Variants in VAV2 observed in about 807,000 individuals in gnomAD.
The protein encoded by VAV2 is guanine nucleotide exchange factor VAV2.
VAV2 carries 67 observed loss-of-function variants against 132.5 expected under a neutral mutation model. The ratio of observed to expected loss-of-function variants is 0.51; its 90% CI spans 0.42 to 0.62. The LOEUF is 0.62. VAV2 is among the 20% of genes least tolerant of loss of function. VAV2 has a pLI of 0.00. For missense variants in VAV2, 938 were observed against 1,153.6 expected (o/e 0.81, Z 2.71); for synonymous variants, 492 against 443.5 (o/e 1.11, Z -1.37).
At position 133,874,111 on chromosome 9, in the gene VAV2, G is replaced by A. The variant is rs553105727; in HGVS notation, c.322-12679C>T. Among the ~76,000 whole-genome samples the A allele has an allele frequency of 1.3e-4, 20 of 152,350 alleles. No individual in the cohort carries two copies. The East Asian group carries it at 2.1e-3, about 16-fold the overall frequency. The stretch of plus-strand genomic sequence containing the variant: ...CTGGCAGCAGAGCCCGGCTCTCCAC[G>A]CCGCCCTGCCCTGGAGGGCCGGCTA... On this transcript the variant is annotated intron_variant, in intron 2 of 29. Coordinates refer to ENST00000371850, the MANE Select transcript of VAV2 (RefSeq NM_001134398.2).
rs1349310087 is a variant in VAV2 at position 133,879,843 on chromosome 9, C to T, written c.322-18411G>A. 2.0e-5 allele frequency among the ~76,000 whole-genome samples: 3 copies of T among 152,334 alleles called. No individual in the cohort carries two copies. Among genetic ancestry groups the T allele is most frequent in the East Asian group, 3.9e-4 (2 of 5,184 alleles). Reference sequence around the variant, plus strand: ...TGTGTTTATGGAAACAGATGGAAACCGGCCGCAGACGAAGCTCTGGCATCC... The same window carrying T: ...TGTGTTTATGGAAACAGATGGAAACTGGCCGCAGACGAAGCTCTGGCATCC... On this transcript the variant is annotated intron_variant, in intron 2 of 29. Transcript: ENST00000371850. This position sits in a 1 kb window ranked among gnomAD's most constrained non-coding sequence, Gnocchi z 4.4.
At position 133,872,864 on chromosome 9, in the gene VAV2, G is replaced by A. The variant is rs987875243; in HGVS notation, c.322-11432C>T. Among the ~76,000 whole-genome samples, 4 of 152,228 alleles carry A rather than the reference G, an allele frequency of 2.6e-5. No homozygotes were observed. In the Middle Eastern group the frequency reaches 0.014, roughly 518 times the overall value. On this transcript the variant is annotated intron_variant, in intron 2 of 29. Coordinates refer to ENST00000371850, the MANE Select transcript of VAV2 (RefSeq NM_001134398.2). Reference sequence around the variant, plus strand: ...GGGGTGGCTCACGCCTGTAATCCTAGCACTCTGGGAGGCAGAGGCAGGCAG... The same window carrying A: ...GGGGTGGCTCACGCCTGTAATCCTAACACTCTGGGAGGCAGAGGCAGGCAG...
rs529495294 is a variant in VAV2 at position 133,913,603 on chromosome 9, C to T, written c.321+25500G>A. Among the ~76,000 whole-genome samples, 204 of 152,308 alleles carry T rather than the reference C, an allele frequency of 1.3e-3. 1 individual carries two copies. Among genetic ancestry groups the T allele is most frequent in the African/African-American group, 4.3e-3 (178 of 41,564 alleles). ...TGGTCCCAGGAGGCGGGGGACCGGA[C>T]GCGCACACAGTAGGTGCACAATCGA... On this transcript the variant is annotated intron_variant, in intron 2 of 29. Coordinates refer to ENST00000371850, the MANE Select transcript of VAV2 (RefSeq NM_001134398.2).
At chr9:133,771,061 TC>T (rs371562997) in intron 26 of VAV2, among the ~76,000 whole-genome samples, 9 of 118,190 alleles carry the variant, frequency 7.6e-5, no homozygotes, top group Non-Finnish European at 1.6e-4. Context: ...TTATGGATTT[TC>T]TTTTTTTTTT....
At chr9:133,979,506 G>A (rs949882458) in intron 1 of VAV2, among the ~76,000 whole-genome samples, 2 of 152,180 alleles carry the variant, frequency 1.3e-5, no homozygotes, top group African/African-American at 2.4e-5. Context: ...AGCGGACGCC[G>A]CAGCCGTCCG....
chr9:133,820,942 G>C (rs919587273), intron 4 of VAV2, among the ~76,000 whole-genome samples: 4 of 144,428 alleles, frequency 2.8e-5, no homozygotes, highest in Non-Finnish European at 6.0e-5. Flanking sequence ...CACGGAACCA[G>C]AGCGCCAGCC....
intron 3 of VAV2, among the ~76,000 whole-genome samples, chr9:133,856,533 G>A (rs1837392190): frequency 6.6e-6 from 1 of 151,766 alleles, no homozygotes; most frequent in African/African-American, 2.4e-5. Context: ...ACGCCACATA[G>A]CTGGGCCTTC....
chr9:133,795,801 A>C, intron 11 of VAV2, 65 bp from the exon 12 acceptor site: 1 of 1,535,248 alleles, frequency 6.5e-7, no homozygotes, highest in Non-Finnish European at 9.0e-7. Flanking sequence ...CCTGGCCCCT[A>C]CCTGGGGCAG....
At chr9:133,960,600 G>C (rs553758259) in intron 1 of VAV2, among the ~76,000 whole-genome samples, 1 of 152,228 alleles carries the variant, frequency 6.6e-6, no homozygotes, top group Non-Finnish European at 1.5e-5. Context: ...CGGAGAAAAC[G>C]GGAAGTAAAG....
chr9:133,972,057 T>C (rs953260931), intron 1 of VAV2, among the ~76,000 whole-genome samples: 3 of 151,906 alleles, frequency 2.0e-5, no homozygotes, highest in Admixed American at 6.6e-5. Context: ...AAGCCCCAAT[T>C]CCTGTCCCCA....
chr9:133,892,879 A>T (rs1839035412), intron 2 of VAV2, among the ~76,000 whole-genome samples: 1 of 152,206 alleles, frequency 6.6e-6, no homozygotes, highest in South Asian at 2.1e-4. Context: ...AGGGGGAAAG[A>T]AAGAGCCAAG....
At chr9:133,777,563 G>A in intron 22 of VAV2, 100 bp from the exon 23 acceptor site, 1 of 1,173,478 alleles carries the variant, frequency 8.5e-7, no homozygotes, top group South Asian at 1.3e-5. Flanking sequence ...TCCCGCTCCT[G>A]GAGGGTGGGA....
At chr9:133,950,511 G>T (rs897768005) in intron 1 of VAV2, among the ~76,000 whole-genome samples, 3 of 152,164 alleles carry the variant, frequency 2.0e-5, no homozygotes, top group Non-Finnish European at 4.4e-5. Context: ...AAGCCAAGGC[G>T]GGGGGTATAA....
At chr9:133,960,353 C>T (rs1393516154) in intron 1 of VAV2, among the ~76,000 whole-genome samples, 1 of 152,144 alleles carries the variant, frequency 6.6e-6, no homozygotes, top group East Asian at 1.9e-4. Flanking sequence ...TGGCCACCTG[C>T]TCCTTGGTCT....
rs1840231269 is a variant in VAV2 at position 133,919,855 on chromosome 9, A to G, written c.321+19248T>C. On this transcript the variant is annotated intron_variant, in intron 2 of 29. Transcript: ENST00000371850. The surrounding 1 kb of genome is among the most constrained non-coding windows in gnomAD (Gnocchi z 5.8). The stretch of plus-strand genomic sequence containing the variant: ...CCCGGCCACCCCTGCCTCACCCACC[A>G]CCCAACCGCATGTCCTCCGCGGAGC... Among the ~76,000 whole-genome samples, 1 of 151,840 alleles carries G rather than the reference A, an allele frequency of 6.6e-6. No individual in the cohort carries two copies. The highest frequency in any genetic ancestry group is 1.5e-5 in the Non-Finnish European group (1 of 67,922).
In VAV2 at chr9:133,884,969, G is replaced by A. The variant is rs1026878738; in HGVS notation, c.322-23537C>T. Among the ~76,000 whole-genome samples the A allele has an allele frequency of 1.7e-4, 26 of 152,010 alleles. No individual in the cohort carries two copies. The highest frequency in any genetic ancestry group is 6.0e-4 in the African/African-American group (25 of 41,382). On this transcript the variant is annotated intron_variant, in intron 2 of 29. Coordinates refer to ENST00000371850, the MANE Select transcript of VAV2 (RefSeq NM_001134398.2). The surrounding 1 kb of genome is among the most constrained non-coding windows in gnomAD (Gnocchi z 5.3). The stretch of plus-strand genomic sequence containing the variant: ...ACCTGAGCCAGCCACAGTGACAGGT[G>A]GAGCCTAGATCATTCCAAAGACTCC...
At chr9:133,916,759 T>C (rs1471247362) in intron 2 of VAV2, among the ~76,000 whole-genome samples, 1 of 151,916 alleles carries the variant, frequency 6.6e-6, no homozygotes, top group Non-Finnish European at 1.5e-5. Context: ...CCTCCAGCCA[T>C]GCAAAAAGCA....
chr9:133,764,421 TTCAG>T (rs201481517), intron 29 of VAV2, among the ~76,000 whole-genome samples: 4,092 of 152,240 alleles, frequency 0.027, 77 homozygotes, highest in Middle Eastern at 0.048. Flanking sequence ...AAGCTTGGCA[TTCAG>T]TCAGGACCAA....
In VAV2 at chr9:133,895,934, T is replaced by TGGGAGCGCGAGGCATGCGGATCAC. The variant is rs1195317034; in HGVS notation, c.322-34503_322-34502insGTGATCCGCATGCCTCGCGCTCCC. 2.0e-3 allele frequency among the ~76,000 whole-genome samples: 271 copies of TGGGAGCGCGAGGCATGCGGATCAC among 134,666 alleles called. 2 individuals are homozygous for TGGGAGCGCGAGGCATGCGGATCAC. The highest frequency in any genetic ancestry group is 3.5e-3 in the Middle Eastern group (1 of 288). 88.3% of individuals were successfully genotyped at this position (134,666 alleles called of 152,430 possible). A position where few individuals can be genotyped will look rare whatever the true frequency, so the allele number is the denominator to read the frequency against. ...TTGGCAGCCACACTAAAATCTTTTT[T>TGGGAGCGCGAGGCATGCGGATCAC]TTTTTTTTTTTTTTTAATTGATCAT... On this transcript the variant is annotated intron_variant, in intron 2 of 29. Transcript: ENST00000371850.
Sources: allele counts gnomAD v4.1 joint callset (sites outside exome capture counted in the v4.1 genomes callset), GRCh38; gene constraint gnomAD v4.1.1; non-coding constraint Gnocchi (gnomAD v3.1); transcripts MANE v1.5; gene names NCBI Gene and HGNC (gene_info 2026-07-23, HGNC 2026-07-21).